The following EML6 variants were observed in gnomAD, a reference collection of about 807,000 sequenced individuals.
EML6 encodes the protein echinoderm microtubule-associated protein-like 6.
EML6 carries 154 observed loss-of-function variants against 240.1 expected under a neutral mutation model. The observed-to-expected ratio is 0.64, with a 90% CI of 0.56 to 0.73. The LOEUF (loss-of-function observed/expected upper bound fraction) is 0.73. Among genes scored for constraint, EML6 ranks in the 30% least tolerant of loss-of-function variants. The probability of loss-of-function intolerance (pLI) is 0.00; values close to 1 mark genes in which losing one functional copy is unlikely to be tolerated. For synonymous variants in EML6, 1,148 were observed against 899.0 expected (o/e 1.28, Z -4.95); for missense variants, 2,964 against 2,474.6 (o/e 1.20, Z -4.20).
At chr2:54,910,118 G>A (rs528409376) in intron 24 of EML6, among the ~76,000 whole-genome samples, 1 of 152,284 alleles carries the variant, frequency 6.6e-6, no homozygotes, top group Non-Finnish European at 1.5e-5. Flanking sequence ...GGAGGTTCAT[G>A]AAACAGGGTT....
At chr2:54,961,184 G>GTTTTTTTTTTTTTTTTT (rs575621987) in intron 35 of EML6, among the ~76,000 whole-genome samples, 9 of 55,416 alleles carry the variant, frequency 1.6e-4, no homozygotes, top group East Asian at 1.3e-3. Flanking sequence ...TCAGGAAGTA[G>GTTTTTTTTTTTTTTTTT]TTTTTTTTTT....
At chr2:54,745,978 A>G (rs1274583647) in intron 2 of EML6, among the ~76,000 whole-genome samples, 1 of 152,146 alleles carries the variant, frequency 6.6e-6, no homozygotes, top group Non-Finnish European at 1.5e-5. Flanking sequence ...AAGACTCTGC[A>G]TGTGTTTTGC....
At chr2:54,797,741 A>G (rs1383130927) in intron 2 of EML6, among the ~76,000 whole-genome samples, 4 of 152,146 alleles carry the variant, frequency 2.6e-5, no homozygotes, top group Admixed American at 6.5e-5. Flanking sequence ...TATAAGCACC[A>G]GCTTTAGAAT....
chr2:54,947,816 T>C (rs1675764769), intron 28 of EML6, among the ~76,000 whole-genome samples: 1 of 152,208 alleles, frequency 6.6e-6, no homozygotes, highest in Non-Finnish European at 1.5e-5. Context: ...GTATGAGCTT[T>C]CTGAATTTGT....
rs1282524222 is a variant in EML6 at position 54,959,206 on chromosome 2, A to G, written c.4798A>G (p.Thr1600Ala). ...CAAGGCTCACACAGGCCCCGTGTTC[A>G]CAATGTACACAACCCTTCGGGATGG... ...VAKAHTGPVFTMYTTLRDGLI... is the reference protein window; with the variant it reads ...VAKAHTGPVFAMYTTLRDGLI... Residue 1600 changes from threonine (T) to alanine (A), a missense_variant, in exon 34 of 42, where the codon ACA becomes GCA. Thr to Ala is a moderately conservative substitution (Grantham distance 58). Transcript: ENST00000356458. 1.3e-6 allele frequency: 2 copies of G among 1,551,674 alleles called. No individual in the cohort carries two copies. Among genetic ancestry groups the G allele is most frequent in the Non-Finnish European group, 1.7e-6 (2 of 1,146,978 alleles).
At chr2:54,766,150 G>C (rs1455844823) in intron 2 of EML6, among the ~76,000 whole-genome samples, 3 of 152,194 alleles carry the variant, frequency 2.0e-5, no homozygotes, top group Non-Finnish European at 2.9e-5. Flanking sequence ...ACCTTGTGTA[G>C]TTACTAAAAA....
In EML6 at chr2:54,894,973, G is replaced by T. The variant is rs1263919913; in HGVS notation, c.2801G>T (p.Arg934Ile). ...IVELWDDMFE[R>I]CLKTYAIKRS... ...GAGCTCTGGGATGATATGTTTGAAA[G>T]ATGTTTGAAGACTTATGCCATTAAA... The change falls in exon 20 of 42, where the codon AGA becomes ATA. Residue 934 changes from arginine to isoleucine, a missense_variant. Physicochemically the swap from Arg to Ile is moderately conservative, Grantham distance 97. Coordinates refer to ENST00000356458, the MANE Select transcript of EML6 (RefSeq NM_001039753.4). 5 of 1,551,540 alleles carry T rather than the reference G, an allele frequency of 3.2e-6. No individual in the cohort carries two copies. The African/African-American group carries it at 5.5e-5, about 17-fold the overall frequency.
At chr2:54,870,090 T>C (rs186778812) in intron 15 of EML6, among the ~76,000 whole-genome samples, 136 of 152,338 alleles carry the variant, frequency 8.9e-4, no homozygotes, top group Admixed American at 5.1e-3. Flanking sequence ...TTGCAGATAA[T>C]ACTTCAACTG....
intron 2 of EML6, among the ~76,000 whole-genome samples, chr2:54,803,297 A>T (rs762638499): frequency 6.6e-6 from 1 of 152,226 alleles, no homozygotes; most frequent in Non-Finnish European, 1.5e-5. Flanking sequence ...AAACTGGTCA[A>T]TTAGTCAAAC....
At chr2:54,962,094 T>C (rs190175195) in intron 35 of EML6, among the ~76,000 whole-genome samples, 1,864 of 148,190 alleles carry the variant, frequency 0.013, 12 homozygotes, top group Non-Finnish European at 0.02. Context: ...TTTTTTTTTT[T>C]TTTTTAAAGA....
chr2:54,851,253 AC>A (rs980315470), intron 10 of EML6, among the ~76,000 whole-genome samples: 4 of 151,064 alleles, frequency 2.6e-5, no homozygotes, highest in Admixed American at 1.3e-4. Context: ...TGCTAAAGAT[AC>A]AAAAAAAAAT....
intron 2 of EML6, among the ~76,000 whole-genome samples, chr2:54,748,923 C>T (rs750620229): frequency 6.6e-6 from 1 of 152,122 alleles, no homozygotes; most frequent in Non-Finnish European, 1.5e-5. Context: ...GCCTTCATAT[C>T]GATGGACATT....
chr2:54,725,634 C>A lies in EML6; in HGVS notation c.197+376C>A, dbSNP rs1682876972. On this transcript the variant is annotated intron_variant, in intron 2 of 41. Transcript: ENST00000356458. This position sits in a 1 kb window ranked among gnomAD's most constrained non-coding sequence, Gnocchi z 4.3. ...GACCAATAACCTGAAGTGTGGGCAT[C>A]ATCTTTGGGAGGCTCCTCAGTGGGT... Among the ~76,000 whole-genome samples, 1 of 152,114 alleles carries A rather than the reference C, an allele frequency of 6.6e-6. No individual in the cohort carries two copies. The highest frequency in any genetic ancestry group is 1.5e-5 in the Non-Finnish European group (1 of 68,024).
At chr2:54,832,945 G>C (rs1397068704) in intron 7 of EML6, among the ~76,000 whole-genome samples, 1 of 152,172 alleles carries the variant, frequency 6.6e-6, no homozygotes, top group Non-Finnish European at 1.5e-5. Context: ...GAACTATCTT[G>C]ATATAAATGA....
intron 2 of EML6, among the ~76,000 whole-genome samples, chr2:54,796,578 T>C (rs1669790604): frequency 6.6e-6 from 1 of 152,076 alleles, no homozygotes; most frequent in Admixed American, 6.6e-5. Flanking sequence ...AATCCTTTCA[T>C]AATGAAAATT....
rs573758637 is a variant in EML6 at position 54,783,885 on chromosome 2, T to C, written c.198-29347T>C. The stretch of plus-strand genomic sequence containing the variant: ...TCATGTTAATATAGGTAAATCCACA[T>C]TGCAAGATTTTAAATATCTGCACAT... On this transcript the variant is annotated intron_variant, in intron 2 of 41. Coordinates refer to ENST00000356458, the MANE Select transcript of EML6 (RefSeq NM_001039753.4). Among the ~76,000 whole-genome samples, 4 of 152,334 alleles carry C rather than the reference T, an allele frequency of 2.6e-5. No individual in the cohort carries two copies. In the East Asian group the frequency reaches 7.7e-4, roughly 29 times the overall value.
intron 9 of EML6, 40 bp downstream of exon 9, chr2:54,847,663 C>T (rs748715285): frequency 3.2e-6 from 5 of 1,545,704 alleles, no homozygotes; most frequent in East Asian, 4.9e-5. Flanking sequence ...GAAATGCTCT[C>T]GTGTTAAATG....
intron 28 of EML6, among the ~76,000 whole-genome samples, chr2:54,933,607 G>A (rs10205493): frequency 0.49 from 74,763 of 151,738 alleles, 18,695 homozygotes; most frequent in South Asian, 0.64. Context: ...GGTGGCACAC[G>A]CCTGTAATCT....
rs1401775216 is a variant in EML6, at chr2:54,891,985, A to G, written c.2540-469A>G. On this transcript the variant is annotated intron_variant, in intron 18 of 41. Coordinates refer to ENST00000356458, the MANE Select transcript of EML6 (RefSeq NM_001039753.4). ...GCTGTTATAAATAAGCAGAGCATAT[A>G]TAACATGCTTATATTTTACATTTAC... 2.0e-5 allele frequency among the ~76,000 whole-genome samples: 3 copies of G among 152,232 alleles called. No homozygotes were observed. In the East Asian group the frequency reaches 5.8e-4, roughly 29 times the overall value.
Sources: gnomAD v4.1 joint callset for allele counts (sites outside exome capture counted in the v4.1 genomes callset) on GRCh38, gnomAD v4.1.1 for gene constraint, Gnocchi (gnomAD v3.1) non-coding constraint, MANE v1.5 for transcripts, NCBI Gene and HGNC (gene_info 2026-07-23, HGNC 2026-07-21) for gene names.